Variants in DROSHA observed in about 807,000 individuals in gnomAD.
The protein encoded by DROSHA is ribonuclease 3.
Under a neutral mutation model 181.9 loss-of-function variants are expected in DROSHA, and 56 were observed. The ratio of observed to expected loss-of-function variants is 0.31; its 90% CI spans 0.25 to 0.38. The LOEUF is 0.38. DROSHA is among the 10% of genes least tolerant of loss of function. The probability of loss-of-function intolerance (pLI) is 1.00; values close to 1 mark genes in which losing one functional copy is unlikely to be tolerated. For synonymous variants in DROSHA, 524 were observed against 591.2 expected (o/e 0.89, Z 1.65); for missense variants, 1,218 against 1,743.5 (o/e 0.70, Z 5.37).
chr5:31,493,726 C>A (rs2150043440), intron 12 of DROSHA, among the ~76,000 whole-genome samples: 1 of 152,254 alleles, frequency 6.6e-6, no homozygotes, highest in Admixed American at 6.5e-5. Context: ...CTAGAAGTCT[C>A]TCAAAGGCCT....
At chr5:31,401,708 AC>A in intron 35 of DROSHA, 146 bp from the exon 36 acceptor site, 1 of 488,534 alleles carries the variant, frequency 2.0e-6, no homozygotes, top group Non-Finnish European at 2.8e-6. Context: ...AAGATAGAAA[AC>A]TGTTTTCTTC....
chr5:31,528,017 C>T (rs1030725834), intron 4 of DROSHA, among the ~76,000 whole-genome samples: 3 of 152,048 alleles, frequency 2.0e-5, no homozygotes, highest in Non-Finnish European at 4.4e-5. Context: ...CCCATGGATG[C>T]GTTTCTTGGC....
At chr5:31,491,037 T>C (rs1752337559) in intron 13 of DROSHA, among the ~76,000 whole-genome samples, 1 of 152,214 alleles carries the variant, frequency 6.6e-6, no homozygotes, top group African/African-American at 2.4e-5. Context: ...TTTTTAAAAA[T>C]GATGTTTTCT....
chr5:31,495,462 CA>C (rs1205164905), intron 11 of DROSHA, 90 bp from the exon 12 acceptor site: 1 of 1,238,278 alleles, frequency 8.1e-7, no homozygotes, highest in Non-Finnish European at 1.1e-6. Context: ...TCACATCTAA[CA>C]AAACAGGTTT....
chr5:31,446,945 C>T (rs949386378), intron 23 of DROSHA, among the ~76,000 whole-genome samples: 4 of 152,068 alleles, frequency 2.6e-5, no homozygotes, highest in African/African-American at 7.2e-5. Context: ...GTGTCTGAGG[C>T]GTGAGAATCG....
intron 33 of DROSHA, chr5:31,408,850 ATGGAG>A: frequency 2.1e-6 from 1 of 482,704 alleles, no homozygotes; most frequent in Non-Finnish European, 3.7e-6. Flanking sequence ...CATTGAGATA[ATGGAG>A]TGGGACCCAC....
Position 31,525,917 on chromosome 5 carries a change from T to G in DROSHA, c.854+162A>C, listed in dbSNP as rs568361267. On this transcript the variant is annotated intron_variant, in intron 5 of 35. Coordinates refer to ENST00000344624, the MANE Select transcript of DROSHA (RefSeq NM_001382508.1). ...TTTTTTTCTGACATCAACTTATTTG[T>G]CAGTTGTTTCTTCCTCTTGAAAACA... Among the ~76,000 whole-genome samples, 24 of 152,354 alleles carry G rather than the reference T, an allele frequency of 1.6e-4. No homozygotes were observed. The East Asian group carries it at 3.3e-3, about 21-fold the overall frequency.
At chr5:31,402,393 AAGAC>A (rs1740117138) in intron 35 of DROSHA, among the ~76,000 whole-genome samples, 2 of 35,348 alleles carry the variant, frequency 5.7e-5, no homozygotes, top group Admixed American at 3.9e-4. Context: ...AACATTCTGA[AAGAC>A]AGAGAAGGCA....
intron 23 of DROSHA, among the ~76,000 whole-genome samples, chr5:31,446,374 G>C (rs918351361): frequency 7.1e-6 from 1 of 141,716 alleles, no homozygotes; most frequent in South Asian, 2.3e-4. Context: ...GTGAACCCGG[G>C]AGGTAGAGTT....
rs146282423 is a variant in DROSHA at position 31,447,433 on chromosome 5, A to C, written c.2882+1114T>G. Among the ~76,000 whole-genome samples the C allele has an allele frequency of 4.8e-3, 736 of 152,358 alleles. 4 individuals are homozygous for C. The highest frequency in any genetic ancestry group is 0.017 in the African/African-American group (703 of 41,572). On this transcript the variant is annotated intron_variant, in intron 23 of 35. Coordinates refer to ENST00000344624, the MANE Select transcript of DROSHA (RefSeq NM_001382508.1). ...GATCTACAGAATCAACATAATGCCT[A>C]TCAAAATCCCCACTGACTTATTTGC...
chr5:31,506,550 A>C (rs1444911061), intron 10 of DROSHA, among the ~76,000 whole-genome samples: 3 of 151,796 alleles, frequency 2.0e-5, no homozygotes, highest in Non-Finnish European at 1.5e-5. Flanking sequence ...TGGTGGTGCA[A>C]GCCTGTAGTC....
At chr5:31,402,982 C>T (rs893044602) in intron 35 of DROSHA, among the ~76,000 whole-genome samples, 2 of 152,104 alleles carry the variant, frequency 1.3e-5, no homozygotes, top group African/African-American at 2.4e-5. Flanking sequence ...GGGGTTTCGC[C>T]ATGCTGGCCA....
chr5:31,515,549 C>T lies in DROSHA; in HGVS notation c.963G>A (p.Ser321=), dbSNP rs758536501. The T allele has an allele frequency of 9.0e-6, 14 of 1,551,084 alleles. 1 individual carries two copies. The highest frequency in any genetic ancestry group is 8.2e-5 in the African/African-American group (6 of 73,154). ...YKRSGRSYGL[S]VVPEPAGCTP... is the part of the protein sequence containing the mutation. ...TGCATCCAGCAGGTTCAGGAACAAC[C>T]GATAAACCGTAACTCCTAAAAGAAA... is the stretch of plus-strand genomic sequence containing the variant. The change falls in exon 7 of 36, where the codon TCG becomes TCA. Residue 321 remains serine (S), a synonymous_variant. Transcript: ENST00000344624.
rs564208915 is a variant in DROSHA at position 31,506,427 on chromosome 5, C to T, written c.1588-1792G>A. ...GTGCAATAGCTCATGCCTGTAATCCCAGCACTTTGGGAGGCCGAGGCAGGC... is the reference window on the plus strand; with the variant it reads ...GTGCAATAGCTCATGCCTGTAATCCTAGCACTTTGGGAGGCCGAGGCAGGC... On this transcript the variant is annotated intron_variant, in intron 10 of 35. Coordinates refer to ENST00000344624, the MANE Select transcript of DROSHA (RefSeq NM_001382508.1). Among the ~76,000 whole-genome samples the T allele has an allele frequency of 4.6e-5, 7 of 151,744 alleles. No individual in the cohort carries two copies. The South Asian group carries it at 8.4e-4, about 18-fold the overall frequency.
intron 17 of DROSHA, among the ~76,000 whole-genome samples, chr5:31,468,422 C>T (rs552555494): frequency 8.5e-5 from 13 of 152,344 alleles, no homozygotes; most frequent in African/African-American, 3.1e-4. Flanking sequence ...GCCTCTTCTG[C>T]TTTAATTTCA....
intron 11 of DROSHA, among the ~76,000 whole-genome samples, chr5:31,499,893 G>A (rs1237044010): frequency 6.6e-6 from 1 of 152,204 alleles, no homozygotes; most frequent in Non-Finnish European, 1.5e-5. Flanking sequence ...GTGAAAGCCA[G>A]AAGAAACTCT....
At chr5:31,415,628 C>G (rs950733594) in intron 30 of DROSHA, among the ~76,000 whole-genome samples, 4 of 152,186 alleles carry the variant, frequency 2.6e-5, no homozygotes, top group African/African-American at 9.7e-5. Context: ...TATCCCAAAT[C>G]ATTAAAAACA....
chr5:31,517,493 T>G (rs1227534022), intron 6 of DROSHA, among the ~76,000 whole-genome samples: 1 of 152,192 alleles, frequency 6.6e-6, no homozygotes, highest in Admixed American at 6.5e-5. Flanking sequence ...TTCCTCCAAA[T>G]GGCTCACCAA....
Position 31,529,107 on chromosome 5 carries a change from T to C in DROSHA, c.-46-2A>G, listed in dbSNP as rs764836051. 6.2e-7 allele frequency: 1 copy of C among 1,604,114 alleles called. No individual in the cohort carries two copies. Among genetic ancestry groups the C allele is most frequent in the South Asian group, 1.1e-5 (1 of 88,624 alleles). On this transcript the variant is annotated splice_acceptor_variant, in intron 3 of 35. Coordinates refer to ENST00000344624, the MANE Select transcript of DROSHA (RefSeq NM_001382508.1). LOFTEE classifies it low-confidence loss of function (5UTR_SPLICE). ...CATCTTCCACAGAGAATATAAGCTC[T>C]AAAAAACAGAAAGAATAAAACAGAC...
Sources: allele counts gnomAD v4.1 joint callset (sites outside exome capture counted in the v4.1 genomes callset), GRCh38; gene constraint gnomAD v4.1.1; transcripts MANE v1.5; gene names NCBI Gene and HGNC (gene_info 2026-07-23, HGNC 2026-07-21).